Variants in NOVA1 observed in about 807,000 individuals in gnomAD.
NOVA1 encodes RNA-binding protein Nova-1.
In NOVA1, 7 loss-of-function variants were observed where a neutral mutation model predicts 38.0. The observed-to-expected ratio is 0.18, with a 90% CI of 0.10 to 0.35. NOVA1 has a LOEUF of 0.35. Ranked by LOEUF, NOVA1 falls within the 10% of genes least tolerant of loss-of-function variation. The pLI is 1.00. For synonymous variants in NOVA1, 270 were observed against 232.5 expected (o/e 1.16, Z -1.47); for missense variants, 460 against 616.0 (o/e 0.75, Z 2.68).
chr14:26,535,857 T>C (rs1321135420), intron 2 of NOVA1, among the ~76,000 whole-genome samples: 4 of 150,972 alleles, frequency 2.6e-5, no homozygotes, highest in Non-Finnish European at 4.4e-5. Flanking sequence ...TGGGCGCCTG[T>C]AGTCCCAGCT....
chr14:26,462,016 C>T (rs537530815), intron 4 of NOVA1, among the ~76,000 whole-genome samples: 1 of 152,124 alleles, frequency 6.6e-6, no homozygotes, highest in South Asian at 2.1e-4. Context: ...GAACCTCTAA[C>T]TGTATTTAAT....
chr14:26,474,605 T>C (rs4494471), intron 3 of NOVA1, among the ~76,000 whole-genome samples: 1 of 152,094 alleles, frequency 6.6e-6, no homozygotes, highest in Non-Finnish European at 1.5e-5. Flanking sequence ...GTTTCTTTCC[T>C]ACAGGAATAA....
intron 2 of NOVA1, among the ~76,000 whole-genome samples, chr14:26,566,936 T>C (rs1892170313): frequency 1.3e-5 from 2 of 152,088 alleles, no homozygotes; most frequent in South Asian, 4.1e-4. Flanking sequence ...CCCCCTCCCC[T>C]GCAAAAAGCT....
intron 2 of NOVA1, among the ~76,000 whole-genome samples, chr14:26,551,925 T>G (rs1891185013): frequency 6.6e-6 from 1 of 152,042 alleles, no homozygotes; most frequent in Non-Finnish European, 1.5e-5. Context: ...CAAAACAGTA[T>G]TATAAAACAG....
At chr14:26,472,665 A>C (rs1884680255) in intron 3 of NOVA1, among the ~76,000 whole-genome samples, 1 of 152,118 alleles carries the variant, frequency 6.6e-6, no homozygotes, top group Middle Eastern at 3.4e-3. Flanking sequence ...TATCCTGACC[A>C]TATTCATGAA....
intron 2 of NOVA1, among the ~76,000 whole-genome samples, chr14:26,564,762 T>C (rs867342811): frequency 6.6e-6 from 1 of 152,126 alleles, no homozygotes. Flanking sequence ...TATTTTACTA[T>C]ATAATATATA....
rs2138550319 is a variant in NOVA1 at position 26,448,556 on chromosome 14, G to C, written c.927C>G (p.Gly309=). The change falls in exon 5 of 5, where the codon GGC becomes GGG. Residue 309 remains glycine, a synonymous_variant. Transcript: ENST00000539517. The surrounding 1 kb of genome is among the most constrained non-coding windows in gnomAD (Gnocchi z 5.3). ...CAGAGGTGATGGCCACCAGGTCATT[G>C]CCTGTGAAGCCAGATAAAACTGCTG... ...AFPAVLSGFT[G]NDLVAITSAL... 2 of 1,614,184 alleles carry C rather than the reference G, an allele frequency of 1.2e-6. No individual in the cohort carries two copies. Among genetic ancestry groups the C allele is most frequent in the Non-Finnish European group, 1.7e-6 (2 of 1,180,024 alleles).
chr14:26,571,383 G>A (rs1892461624), intron 2 of NOVA1, among the ~76,000 whole-genome samples: 1 of 152,076 alleles, frequency 6.6e-6, no homozygotes, highest in Admixed American at 6.6e-5. Context: ...TTTCACTCTG[G>A]CTTAAATTAA....
intron 2 of NOVA1, among the ~76,000 whole-genome samples, chr14:26,490,563 G>C (rs578039618): frequency 6.6e-6 from 1 of 152,118 alleles, no homozygotes; most frequent in African/African-American, 2.4e-5. Flanking sequence ...TTGGAGTTTC[G>C]ATTTGCACTT....
At chr14:26,486,987 T>G (rs143343360) in intron 2 of NOVA1, among the ~76,000 whole-genome samples, 1,551 of 152,190 alleles carry the variant, frequency 0.01, 9 homozygotes, top group Non-Finnish European at 0.017. Context: ...TCACCCATAA[T>G]AGTCTATATA....
intron 2 of NOVA1, among the ~76,000 whole-genome samples, chr14:26,508,155 G>A (rs1887784221): frequency 6.6e-6 from 1 of 151,914 alleles, no homozygotes. Flanking sequence ...AACTAATATG[G>A]CACTGATTGC....
chr14:26,536,428 G>A (rs185906802), intron 2 of NOVA1, among the ~76,000 whole-genome samples: 38 of 151,710 alleles, frequency 2.5e-4, no homozygotes, highest in Admixed American at 1.6e-3. Context: ...CTAATGATGC[G>A]ACTTTTTTCA....
intron 2 of NOVA1, among the ~76,000 whole-genome samples, chr14:26,572,771 T>C (rs1429238957): frequency 2.0e-5 from 3 of 151,818 alleles, no homozygotes; most frequent in Non-Finnish European, 4.4e-5. Flanking sequence ...TGTGTATGTG[T>C]GTCTGTACGT....
chr14:26,459,495 A>AAT lies in NOVA1; in HGVS notation c.520-10534_520-10533dup, dbSNP rs908091646. On this transcript the variant is annotated intron_variant, in intron 4 of 4. Transcript: ENST00000539517. ...AAACACCTAATGCTGCATTTTTCTGAATATATTCCCATCATTAAGCAAATG... is the reference window on the plus strand; with the variant it reads ...AAACACCTAATGCTGCATTTTTCTGAATATATATTCCCATCATTAAGCAAATG... 3.0e-4 allele frequency among the ~76,000 whole-genome samples: 46 copies of AAT among 152,256 alleles called. 1 individual carries two copies. Among genetic ancestry groups the AAT allele is most frequent in the Non-Finnish European group, 5.0e-4 (34 of 67,990 alleles).
At chr14:26,559,345 T>C (rs993736128) in intron 2 of NOVA1, among the ~76,000 whole-genome samples, 9 of 152,150 alleles carry the variant, frequency 5.9e-5, no homozygotes, top group Non-Finnish European at 1.3e-4. Context: ...TATTGAATAC[T>C]GGTTAGTATA....
At chr14:26,557,321 G>C (rs1289048342) in intron 2 of NOVA1, among the ~76,000 whole-genome samples, 1 of 152,056 alleles carries the variant, frequency 6.6e-6, no homozygotes, top group African/African-American at 2.4e-5. Context: ...CATATGTTGG[G>C]GAGGTTGCGG....
At chr14:26,457,758 A>G (rs1369808153) in intron 4 of NOVA1, among the ~76,000 whole-genome samples, 1 of 152,110 alleles carries the variant, frequency 6.6e-6, no homozygotes, top group East Asian at 1.9e-4. Flanking sequence ...GTCCTTCAGG[A>G]AGTAATCCAG....
intron 2 of NOVA1, among the ~76,000 whole-genome samples, chr14:26,559,672 G>A (rs1358495859): frequency 6.6e-6 from 1 of 152,148 alleles, no homozygotes; most frequent in African/African-American, 2.4e-5. Context: ...TCACTCATAT[G>A]TGAGAGCTAC....
chr14:26,458,240 A>G (rs1172499661), intron 4 of NOVA1, among the ~76,000 whole-genome samples: 1 of 152,182 alleles, frequency 6.6e-6, no homozygotes, highest in Non-Finnish European at 1.5e-5. Context: ...AATGTAAATT[A>G]GTTCAGCCAC....
Sources: gnomAD v4.1 joint callset for allele counts (sites outside exome capture counted in the v4.1 genomes callset) on GRCh38, gnomAD v4.1.1 for gene constraint, Gnocchi (gnomAD v3.1) non-coding constraint, MANE v1.5 for transcripts, NCBI Gene and HGNC (gene_info 2026-07-23, HGNC 2026-07-21) for gene names.